Variants in CNTNAP3 observed in about 807,000 individuals in gnomAD.
CNTNAP3 encodes the protein contactin associated protein family member 3, also known as contactin-associated protein-like 3.
A neutral mutation model predicts 92.1 loss-of-function variants in CNTNAP3; 36 were observed. The observed-to-expected ratio is 0.39, with a 90% CI of 0.30 to 0.52. CNTNAP3 has a LOEUF of 0.52. Ranked by LOEUF, CNTNAP3 falls within the 20% of genes least tolerant of loss-of-function variation. The probability of loss-of-function intolerance (pLI) is 0.76; values close to 1 mark genes in which losing one functional copy is unlikely to be tolerated. For missense variants in CNTNAP3, 534 were observed against 1,069.6 expected (o/e 0.50, Z 6.98); for synonymous variants, 232 against 422.3 (o/e 0.55, Z 5.53).
intron 13 of CNTNAP3, among the ~76,000 whole-genome samples, chr9:39,131,871 A>G (rs2954512): frequency 0.45 from 64,262 of 144,368 alleles, 16,512 homozygotes; most frequent in African/African-American, 0.68. Context: ...TTGGCCAGAC[A>G]GATTAGGGAA....
At chr9:39,075,538 G>C in intron 23 of CNTNAP3, among the ~76,000 whole-genome samples, 1 of 152,286 alleles carries the variant, frequency 6.6e-6, no homozygotes, top group East Asian at 1.9e-4. Flanking sequence ...GCAGCCAATG[G>C]AGGAAGAGCT....
In CNTNAP3 at chr9:39,149,763, C is replaced by T. The variant is rs774731345; in HGVS notation, c.1649+43G>A. ...AGCTGTCTACATTTGCTTTCTTCAACTTTGAAAACAGGCAAGCTAAAGTGA... is the reference window on the plus strand; with the variant it reads ...AGCTGTCTACATTTGCTTTCTTCAATTTTGAAAACAGGCAAGCTAAAGTGA... On this transcript the variant is annotated intron_variant, in intron 10 of 23. Coordinates refer to ENST00000297668, the MANE Select transcript of CNTNAP3 (RefSeq NM_033655.5). 99 of 1,304,690 alleles carry T rather than the reference C, an allele frequency of 7.6e-5. No homozygotes were observed. The Middle Eastern group carries it at 8.2e-4, about 11-fold the overall frequency. The allele number at this position is 1,304,690 out of a possible 1,614,324, so 80.8% of individuals were successfully genotyped here.
Position 39,065,362 on chromosome 9 carries a change from T to A in CNTNAP3, c.*8528A>T, listed in dbSNP as rs1825489032. Reference sequence around the variant, plus strand: ...TTCATTATTAATACAACACAAATTGTTTGTCCATTTTCTTGTTGAAGGTCT... The same window carrying A: ...TTCATTATTAATACAACACAAATTGATTGTCCATTTTCTTGTTGAAGGTCT... On this transcript the variant is annotated 3_prime_UTR_variant, in exon 24 of 24. Transcript: ENST00000297668. Among the ~76,000 whole-genome samples the A allele has an allele frequency of 6.6e-6, 1 of 152,262 alleles. No individual in the cohort carries two copies.
In CNTNAP3 at chr9:39,068,243, CAAAAAAAAA is replaced by C. The variant is rs1198106886; in HGVS notation, c.*5638_*5646del. ...TGAAACCTTGCCTCCACTAAAAATA[CAAAAAAAAA>C]AAAAAAAAAAAAAATTAGCTGGGCA... On this transcript the variant is annotated 3_prime_UTR_variant, in exon 24 of 24. Transcript: ENST00000297668. Among the ~76,000 whole-genome samples the C allele has an allele frequency of 3.1e-5, 4 of 129,352 alleles. No homozygotes were observed. The highest frequency in any genetic ancestry group is 1.5e-4 in the Admixed American group (2 of 13,526). 84.9% of individuals were successfully genotyped at this position (129,352 alleles called of 152,430 possible).
rs1563891640 is a variant in CNTNAP3, at chr9:39,144,992, T to TCCA, written c.1650-647_1650-646insTGG. Among the ~76,000 whole-genome samples the TCCA allele has an allele frequency of 6.2e-5, 9 of 144,090 alleles. 1 individual carries two copies. In the East Asian group the frequency reaches 1.8e-3, roughly 29 times the overall value. 94.5% of individuals were successfully genotyped at this position (144,090 alleles called of 152,430 possible). ...CAGAAAACAAAAATCCATCCTAAAA[T>TCCA]TCATAGGGAACCTCAAGGGACCCTG... On this transcript the variant is annotated intron_variant, in intron 10 of 23. Coordinates refer to ENST00000297668, the MANE Select transcript of CNTNAP3 (RefSeq NM_033655.5).
intron 18 of CNTNAP3, among the ~76,000 whole-genome samples, chr9:39,094,882 C>A (rs372647647): frequency 1.3e-5 from 2 of 151,308 alleles, no homozygotes; most frequent in East Asian, 3.9e-4. Context: ...ATAAAAAGTG[C>A]TTTGGGGATT....
At chr9:39,177,869 TTG>T (rs1228846965) in intron 5 of CNTNAP3, among the ~76,000 whole-genome samples, 1 of 124,268 alleles carries the variant, frequency 8.0e-6, no homozygotes, top group Non-Finnish European at 1.6e-5. Flanking sequence ...CTTGCACAGT[TTG>T]TCAAAATATA....
intron 14 of CNTNAP3, among the ~76,000 whole-genome samples, chr9:39,112,146 A>G (rs1390505930): frequency 6.6e-6 from 1 of 151,554 alleles, no homozygotes; most frequent in Non-Finnish European, 1.5e-5. Flanking sequence ...CAGTAAGAGA[A>G]CTTTCAAAGA....
intron 12 of CNTNAP3, among the ~76,000 whole-genome samples, chr9:39,138,671 G>C (rs569239592): frequency 6.6e-6 from 1 of 152,342 alleles, no homozygotes; most frequent in Admixed American, 6.5e-5. Flanking sequence ...ACAGAAGTGT[G>C]GGGACCCTTC....
chr9:39,217,377 T>C (rs182959632), intron 3 of CNTNAP3, among the ~76,000 whole-genome samples: 1 of 24,162 alleles, frequency 4.1e-5, no homozygotes, highest in African/African-American at 6.7e-5. Context: ...TATATATATA[T>C]ATATATATAT....
At chr9:39,124,396 A>G (rs1029046315) in intron 13 of CNTNAP3, among the ~76,000 whole-genome samples, 2 of 152,248 alleles carry the variant, frequency 1.3e-5, no homozygotes, top group African/African-American at 2.4e-5. Flanking sequence ...CAACAAATAA[A>G]AAAGAGTTAC....
chr9:39,110,174 T>C (rs1369217758), intron 14 of CNTNAP3, among the ~76,000 whole-genome samples: 18 of 152,142 alleles, frequency 1.2e-4, no homozygotes, highest in African/African-American at 3.4e-4. Flanking sequence ...GGTGGGCAGA[T>C]TGCTTGAGCT....
chr9:39,272,002 G>A (rs1325033669), intron 1 of CNTNAP3, among the ~76,000 whole-genome samples: 1 of 18,108 alleles, frequency 5.5e-5, no homozygotes, highest in African/African-American at 1.4e-4. Flanking sequence ...TAGTAGACAC[G>A]GGGTTTCACC....
Position 39,149,991 on chromosome 9 carries a change from CA to C in CNTNAP3, c.1478-15del. On this transcript the variant is annotated splice_polypyrimidine_tract_variant and intron_variant, in intron 9 of 23. Coordinates refer to ENST00000297668, the MANE Select transcript of CNTNAP3 (RefSeq NM_033655.5). ...TGTCCAGGCAGCCTAAATATGAAGA[CA>C]AAAATAGGACAAAAGCAACAACTAT... 1 of 1,610,944 alleles carries C rather than the reference CA, an allele frequency of 6.2e-7. No individual in the cohort carries two copies. The highest frequency in any genetic ancestry group is 1.1e-5 in the South Asian group (1 of 90,828).
At chr9:39,141,168 T>C (rs1440140097) in intron 11 of CNTNAP3, among the ~76,000 whole-genome samples, 1 of 152,200 alleles carries the variant, frequency 6.6e-6, no homozygotes, top group Non-Finnish European at 1.5e-5. Context: ...AACATGGTTC[T>C]TTTCAAACTC....
At chr9:39,098,532 T>C (rs1428090288) in intron 18 of CNTNAP3, among the ~76,000 whole-genome samples, 1 of 152,184 alleles carries the variant, frequency 6.6e-6, no homozygotes, top group African/African-American at 2.4e-5. Flanking sequence ...TTTTGGGTTA[T>C]AAAATAACAT....
intron 12 of CNTNAP3, among the ~76,000 whole-genome samples, chr9:39,138,089 A>G (rs1234230264): frequency 6.6e-6 from 1 of 151,520 alleles, no homozygotes; most frequent in Non-Finnish European, 1.5e-5. Flanking sequence ...TGGGGGTCTC[A>G]CTGTGTTGCC....
chr9:39,148,255 T>G (rs1456327139), intron 10 of CNTNAP3, among the ~76,000 whole-genome samples: 1 of 152,152 alleles, frequency 6.6e-6, no homozygotes, highest in Admixed American at 6.5e-5. Flanking sequence ...CATATACTCC[T>G]CATCTTTGAA....
chr9:39,100,673 G>T (rs183099719), intron 17 of CNTNAP3, among the ~76,000 whole-genome samples: 1 of 152,132 alleles, frequency 6.6e-6, no homozygotes, highest in Non-Finnish European at 1.5e-5. Context: ...CAAAGGAGGG[G>T]AAGTTGGAAG....
Sources: gnomAD v4.1 joint callset for allele counts (sites outside exome capture counted in the v4.1 genomes callset) on GRCh38, gnomAD v4.1.1 for gene constraint, MANE v1.5 for transcripts, NCBI Gene and HGNC (gene_info 2026-07-23, HGNC 2026-07-21) for gene names.